The following OSBPL9 variants were observed in gnomAD, a reference collection of about 807,000 sequenced individuals.
The protein encoded by OSBPL9 is oxysterol-binding protein-related protein 9.
A neutral mutation model predicts 106.6 loss-of-function variants in OSBPL9; 40 were observed. The ratio of observed to expected loss-of-function variants is 0.38; its 90% CI spans 0.29 to 0.49. The LOEUF (loss-of-function observed/expected upper bound fraction) is 0.49. OSBPL9 is among the 20% of genes least tolerant of loss of function. OSBPL9 has a pLI of 0.97. For synonymous variants in OSBPL9, 269 were observed against 295.4 expected, an observed-to-expected ratio of 0.91 and a Z score of 0.92; for missense variants, 609 against 887.2, an observed-to-expected ratio of 0.69 and a Z score of 3.98.
intron 4 of OSBPL9, among the ~76,000 whole-genome samples, chr1:51,725,652 T>TG (rs1005367771): frequency 1.3e-5 from 2 of 152,266 alleles, no homozygotes; most frequent in Non-Finnish European, 2.9e-5. Flanking sequence ...ATCCTGTAAG[T>TG]GGGAGAGTAG....
chr1:51,539,368 A>G, the OSBPL9 span, among the ~76,000 whole-genome samples: 2 of 151,936 alleles, frequency 1.3e-5, no homozygotes, highest in Non-Finnish European at 2.9e-5. Flanking sequence ...TTTACCTCCA[A>G]AATTATGTGA....
At position 51,734,744 on chromosome 1, in the gene OSBPL9, C is replaced by T. The variant is rs138372629; in HGVS notation, c.319-10792C>T. Among the ~76,000 whole-genome samples the T allele has an allele frequency of 1.7e-3, 262 of 152,278 alleles. 7 individuals are homozygous for T. The East Asian group carries it at 0.035, about 21-fold the overall frequency. ...TAGCTAGAGAGTAAATGACTAGGGC[C>T]AGAGCCTAGATGACTCTTGCTCTTT... is the stretch of plus-strand genomic sequence containing the variant. On this transcript the variant is annotated intron_variant, in intron 4 of 23. Coordinates refer to ENST00000428468, the MANE Select transcript of OSBPL9 (RefSeq NM_024586.6).
intron 1 of OSBPL9, among the ~76,000 whole-genome samples, chr1:51,629,409 G>A (rs1644969553): frequency 6.6e-6 from 1 of 152,114 alleles, no homozygotes; most frequent in South Asian, 2.1e-4. Context: ...TAACAATGGG[G>A]CAGGAGTGTG....
the OSBPL9 span, among the ~76,000 whole-genome samples, chr1:51,565,068 A>T: frequency 1.3e-5 from 2 of 151,928 alleles, no homozygotes; most frequent in African/African-American, 4.8e-5. Context: ...GCCCTTTGCT[A>T]AATCTCCCTA....
chr1:51,734,940 C>T (rs901991151), intron 4 of OSBPL9, among the ~76,000 whole-genome samples: 20 of 152,192 alleles, frequency 1.3e-4, no homozygotes, highest in Non-Finnish European at 2.1e-4. Flanking sequence ...GAATATTGTT[C>T]CTCAGTTGGC....
Position 51,761,976 on chromosome 1 carries a change from A to G in OSBPL9, c.778+5A>G, listed in dbSNP as rs781246106. On this transcript the variant is annotated splice_donor_5th_base_variant and intron_variant, in intron 11 of 23. Transcript: ENST00000428468. ...CTCCTACACCAAATAGTACAGGTAC[A>G]GATTTGCATAATTTCTTTATGTCTC... 5.5e-5 allele frequency: 87 copies of G among 1,575,598 alleles called. No homozygotes were observed. Among genetic ancestry groups the G allele is most frequent in the Non-Finnish European group, 6.6e-5 (76 of 1,145,310 alleles).
At chr1:51,755,346 G>C (rs146401710) in intron 8 of OSBPL9, among the ~76,000 whole-genome samples, 1 of 151,936 alleles carries the variant, frequency 6.6e-6, no homozygotes, top group African/African-American at 2.4e-5. Context: ...TTCTATCACC[G>C]CAAAAAGAAA....
At chr1:51,547,527 C>G in the OSBPL9 span, among the ~76,000 whole-genome samples, 54 of 151,966 alleles carry the variant, frequency 3.6e-4, no homozygotes, top group Admixed American at 1.1e-3. Context: ...AAGTGGGAAA[C>G]AGAAAAGGAA....
intron 1 of OSBPL9, among the ~76,000 whole-genome samples, chr1:51,617,442 T>C (rs1417342897): frequency 6.6e-6 from 1 of 152,074 alleles, no homozygotes; most frequent in Non-Finnish European, 1.5e-5. Flanking sequence ...GTCTGATTTA[T>C]GGGTTGGGGG....
intron 3 of OSBPL9, among the ~76,000 whole-genome samples, chr1:51,692,618 C>A (rs1655198575): frequency 6.7e-6 from 1 of 149,472 alleles, no homozygotes; most frequent in Non-Finnish European, 1.5e-5. Flanking sequence ...TTCTCTCTCT[C>A]CTTCCTTCCT....
the OSBPL9 span, among the ~76,000 whole-genome samples, chr1:51,530,170 C>CAAAAAAAAAAAAAAAAAAAGA: frequency 9.1e-5 from 1 of 11,032 alleles, no homozygotes. Flanking sequence ...GACTCTGTCT[C>CAAAAAAAAAAAAAAAAAAAGA]AAAAAAAAAA....
chr1:51,566,017 A>T, the OSBPL9 span: 1 of 152,184 alleles, frequency 6.6e-6, no homozygotes, highest in African/African-American at 2.4e-5. Flanking sequence ...CATATTGATA[A>T]CTTAAGAGTC....
chr1:51,547,809 C>T, the OSBPL9 span, among the ~76,000 whole-genome samples: 1 of 151,920 alleles, frequency 6.6e-6, no homozygotes, highest in African/African-American at 2.4e-5. Context: ...CAAGATTGCA[C>T]TACTACACTC....
At chr1:51,589,161 T>C (rs1456523535) in intron 1 of OSBPL9, among the ~76,000 whole-genome samples, 2 of 152,018 alleles carry the variant, frequency 1.3e-5, no homozygotes, top group Non-Finnish European at 2.9e-5. Context: ...CGATCTCAAC[T>C]CACTGCAGCC....
intron 4 of OSBPL9, among the ~76,000 whole-genome samples, chr1:51,720,507 G>A (rs753202535): frequency 6.6e-5 from 10 of 151,762 alleles, no homozygotes; most frequent in Non-Finnish European, 1.5e-4. Flanking sequence ...TTGTATTTTA[G>A]TAGAGGCGGG....
the OSBPL9 span, among the ~76,000 whole-genome samples, chr1:51,535,499 G>A: frequency 6.6e-6 from 1 of 152,020 alleles, no homozygotes; most frequent in African/African-American, 2.4e-5. Context: ...ATTTTCTAAA[G>A]AGTTATCTCC....
intron 4 of OSBPL9, among the ~76,000 whole-genome samples, chr1:51,743,156 T>G (rs1487647522): frequency 6.6e-6 from 1 of 152,212 alleles, no homozygotes; most frequent in East Asian, 1.9e-4. Context: ...CATGAAAAAT[T>G]TTTGCATTAC....
intron 2 of OSBPL9, among the ~76,000 whole-genome samples, chr1:51,603,825 C>T (rs978577265): frequency 1.3e-5 from 2 of 151,920 alleles, no homozygotes; most frequent in East Asian, 1.9e-4. Context: ...TCAGTAAACC[C>T]GGGTAGGAGT....
At chr1:51,742,842 G>T (rs1667216842) in intron 4 of OSBPL9, among the ~76,000 whole-genome samples, 1 of 152,160 alleles carries the variant, frequency 6.6e-6, no homozygotes, top group South Asian at 2.1e-4. Flanking sequence ...AACACTTCAG[G>T]AGAATTTTAA....
Sources: allele counts gnomAD v4.1 joint callset (sites outside exome capture counted in the v4.1 genomes callset), GRCh38; gene constraint gnomAD v4.1.1; transcripts MANE v1.5; gene names NCBI Gene and HGNC (gene_info 2026-07-23, HGNC 2026-07-21).